PCDHA1: variants seen among roughly 807,000 people sequenced by gnomAD.
The protein encoded by PCDHA1 is protocadherin alpha-1.
Under a neutral mutation model 61.3 loss-of-function variants are expected in PCDHA1, and 42 were observed. That is an observed-to-expected ratio of 0.69 (90% confidence interval 0.54 to 0.89). The LOEUF (loss-of-function observed/expected upper bound fraction) is 0.89, where lower values mean the gene tolerates loss of function less well. Among genes scored for constraint, PCDHA1 ranks in the 40% least tolerant of loss-of-function variants. The probability of loss-of-function intolerance (pLI) is 0.00; values close to 1 mark genes in which losing one functional copy is unlikely to be tolerated. For synonymous variants in PCDHA1, 610 were observed against 553.8 expected (o/e 1.10, Z -1.43); for missense variants, 1,256 against 1,235.3 (o/e 1.02, Z -0.25).
chr5:140,887,120 G>A (rs2061314160), intron 1 of PCDHA1, among the ~76,000 whole-genome samples: 1 of 148,878 alleles, frequency 6.7e-6, no homozygotes, highest in African/African-American at 2.5e-5. Context: ...TTTTTGAGAC[G>A]GAGTCTCACT....
intron 1 of PCDHA1, among the ~76,000 whole-genome samples, chr5:140,800,756 G>C (rs1762596528): frequency 6.6e-6 from 1 of 152,160 alleles, no homozygotes; most frequent in African/African-American, 2.4e-5. Flanking sequence ...GCTGTCACAT[G>C]GGAAATATTT....
Position 140,787,371 on chromosome 5 carries a change from G to A in PCDHA1, c.1081G>A (p.Glu361Lys). The change falls in exon 1 of 4, where the codon GAG becomes AAG. Residue 361 changes from glutamate (E) to lysine (K), a missense_variant. Glu to Lys is a moderately conservative substitution (Grantham distance 56, BLOSUM62 1). Transcript: ENST00000504120. ...CACTTCATTGTATTTGCCTATCAGAGAGGACGCTCCACTCAGCACCGTCAT... is the reference window on the plus strand; with the variant it reads ...CACTTCATTGTATTTGCCTATCAGAAAGGACGCTCCACTCAGCACCGTCAT... ...AVTSLYLPIREDAPLSTVIAL... is the reference protein window; with the variant it reads ...AVTSLYLPIRKDAPLSTVIAL... 3 of 1,614,206 alleles carry A rather than the reference G, an allele frequency of 1.9e-6. No individual in the cohort carries two copies. Among genetic ancestry groups the A allele is most frequent in the Non-Finnish European group, 2.5e-6 (3 of 1,180,026 alleles).
rs782769711 is a variant in PCDHA1, at chr5:140,857,323, C to T, written c.2394+68639C>T. ...TGTCGGCCTATGAGCTGGTGGTGAC[C>T]GCGCGGGACGGGGGCTCGCCTCCGC... On this transcript the variant is annotated intron_variant, in intron 1 of 3. Coordinates refer to ENST00000504120, the MANE Select transcript of PCDHA1 (RefSeq NM_018900.4). The T allele has an allele frequency of 2.5e-6, 4 of 1,598,498 alleles. 1 individual carries two copies. Among genetic ancestry groups the T allele is most frequent in the Admixed American group, 1.7e-5 (1 of 59,312 alleles).
intron 1 of PCDHA1, chr5:140,808,158 A>G: frequency 6.2e-7 from 1 of 1,614,220 alleles, no homozygotes; most frequent in Non-Finnish European, 8.5e-7. Context: ...GAGGGCATTG[A>G]TAAGGGACAG....
chr5:140,807,024 G>T (rs1763832295), intron 1 of PCDHA1: 2 of 843,052 alleles, frequency 2.4e-6, no homozygotes, highest in Non-Finnish European at 1.8e-6. Context: ...CATGAGAGAA[G>T]GAGGAAGAAG....
In PCDHA1 at chr5:140,851,814, C is replaced by G. The variant is rs1363595383; in HGVS notation, c.2394+63130C>G. On this transcript the variant is annotated intron_variant, in intron 1 of 3. Coordinates refer to ENST00000504120, the MANE Select transcript of PCDHA1 (RefSeq NM_018900.4). The stretch of plus-strand genomic sequence containing the variant: ...CTTGTTCTGTCAGTAATCCATAAGA[C>G]AGAAATCTGTTTTTTTAAAAATATC... 6 of 954,454 alleles carry G rather than the reference C, an allele frequency of 6.3e-6. 1 individual carries two copies. In the African/African-American group the frequency reaches 1.1e-4, roughly 17 times the overall value. 59.1% of individuals were successfully genotyped at this position (954,454 alleles called of 1,614,324 possible). A position where few individuals can be genotyped will look rare whatever the true frequency, so the allele number is the denominator to read the frequency against.
intron 1 of PCDHA1, chr5:140,855,962 G>A (rs2043697360): frequency 3.6e-6 from 5 of 1,403,344 alleles, no homozygotes; most frequent in Non-Finnish European, 4.8e-6. Flanking sequence ...ATAAAAAATA[G>A]ATATAAGAAA....
intron 1 of PCDHA1, chr5:140,821,922 G>A (rs141952109): frequency 6.2e-7 from 1 of 1,614,230 alleles, no homozygotes; most frequent in Non-Finnish European, 8.5e-7. Context: ...GCATCGCGCA[G>A]GACCTAGGGC....
intron 1 of PCDHA1, chr5:140,824,043 G>A (rs1767979919): frequency 6.2e-7 from 1 of 1,614,042 alleles, no homozygotes; most frequent in Non-Finnish European, 8.5e-7. Context: ...GGAGACAGAG[G>A]GTGTGCTCTG....
intron 1 of PCDHA1, among the ~76,000 whole-genome samples, chr5:140,959,860 A>G (rs1554224378): frequency 6.6e-6 from 1 of 152,230 alleles, no homozygotes; most frequent in East Asian, 1.9e-4. Context: ...GGAATTATGT[A>G]GCAAAATCTG....
chr5:140,929,437 A>G (rs533186503), intron 1 of PCDHA1: 1 of 1,453,986 alleles, frequency 6.9e-7, no homozygotes, highest in Non-Finnish European at 9.2e-7. Context: ...TGAACTAAAC[A>G]CTCCTTCTTA....
In PCDHA1 at chr5:140,835,437, C is replaced by G. The variant is rs150063888; in HGVS notation, c.2394+46753C>G. ...AAATGACAATGCTCCACAGTTGACTCTCACTTCCCTGTCTCTCCCTATTCC... is the reference window on the plus strand; with the variant it reads ...AAATGACAATGCTCCACAGTTGACTGTCACTTCCCTGTCTCTCCCTATTCC... On this transcript the variant is annotated intron_variant, in intron 1 of 3. Transcript: ENST00000504120. 1.9e-6 allele frequency: 3 copies of G among 1,612,848 alleles called. No individual in the cohort carries two copies. The highest frequency in any genetic ancestry group is 1.7e-4 in the Middle Eastern group (1 of 6,058).
chr5:140,821,769 G>A, intron 1 of PCDHA1: 1 of 1,602,728 alleles, frequency 6.2e-7, no homozygotes, highest in South Asian at 1.1e-5. Flanking sequence ...ATTGGAACGA[G>A]ATTGAGATGG....
intron 1 of PCDHA1, chr5:140,842,947 G>A: frequency 6.3e-7 from 1 of 1,594,658 alleles, no homozygotes; most frequent in Non-Finnish European, 8.6e-7. Flanking sequence ...ACGCGGGCGT[G>A]CCGCCTCTGG....
chr5:140,824,182 T>A, intron 1 of PCDHA1: 1 of 1,608,398 alleles, frequency 6.2e-7, no homozygotes, highest in South Asian at 1.1e-5. Context: ...AAATATTAAA[T>A]GTCACATTCA....
At chr5:140,792,977 A>G (rs782689245) in intron 1 of PCDHA1, among the ~76,000 whole-genome samples, 9 of 152,210 alleles carry the variant, frequency 5.9e-5, no homozygotes, top group Non-Finnish European at 8.8e-5. Context: ...AGCTGATTTC[A>G]TTTCCTGGCT....
chr5:141,004,682 T>G (rs1002761253), intron 3 of PCDHA1, among the ~76,000 whole-genome samples: 2 of 152,184 alleles, frequency 1.3e-5, no homozygotes, highest in South Asian at 4.1e-4. Flanking sequence ...TGTGGAGTGG[T>G]GCTGAAACCC....
chr5:140,926,311 G>C (rs2030500500), intron 1 of PCDHA1: 1 of 152,272 alleles, frequency 6.6e-6, no homozygotes, highest in South Asian at 2.1e-4. Flanking sequence ...CTCCGCCGGA[G>C]AGGTGCGCCG....
chr5:141,001,401 G>A (rs190876782), intron 3 of PCDHA1, among the ~76,000 whole-genome samples: 12 of 152,314 alleles, frequency 7.9e-5, no homozygotes, highest in African/African-American at 2.4e-4. Context: ...AGAGAACAGG[G>A]AGTATATTTT....
Sources: gnomAD v4.1 joint callset for allele counts (sites outside exome capture counted in the v4.1 genomes callset) on GRCh38, gnomAD v4.1.1 for gene constraint, MANE v1.5 for transcripts, NCBI Gene and HGNC (gene_info 2026-07-23, HGNC 2026-07-21) for gene names.